MYO1B: variants seen among roughly 807,000 people sequenced by gnomAD.
The protein encoded by MYO1B is unconventional myosin-Ib.
In MYO1B, 72 loss-of-function variants were observed where a neutral mutation model predicts 159.7. The ratio of observed to expected loss-of-function variants is 0.45; its 90% CI spans 0.37 to 0.55. The LOEUF (loss-of-function observed/expected upper bound fraction) is 0.55, where lower values mean the gene tolerates loss of function less well. Ranked by LOEUF, MYO1B falls within the 20% of genes least tolerant of loss-of-function variation. The pLI is 0.00. For synonymous variants in MYO1B, 468 were observed against 473.8 expected (o/e 0.99, Z 0.16); for missense variants, 1,062 against 1,364.8 (o/e 0.78, Z 3.50).
chr2:191,372,619 C>T (rs919674873), intron 13 of MYO1B, among the ~76,000 whole-genome samples: 8 of 152,120 alleles, frequency 5.3e-5, no homozygotes, highest in Admixed American at 2.0e-4. Context: ...AACTATATTA[C>T]GTTTTAAAAG....
At chr2:191,400,887 G>A (rs1574616685) in intron 23 of MYO1B, 52 bp downstream of exon 23, 1 of 1,547,262 alleles carries the variant, frequency 6.5e-7, no homozygotes, top group Non-Finnish European at 8.9e-7. Flanking sequence ...GCAATAATCA[G>A]TCCTTACCTC....
At chr2:191,252,581 A>G (rs1052204495) in intron 1 of MYO1B, among the ~76,000 whole-genome samples, 2 of 152,206 alleles carry the variant, frequency 1.3e-5, no homozygotes, top group African/African-American at 2.4e-5. Flanking sequence ...AATTTTTGGA[A>G]TGGCAGAATG....
intron 1 of MYO1B, among the ~76,000 whole-genome samples, chr2:191,256,576 A>G (rs560443631): frequency 1.3e-5 from 2 of 152,324 alleles, no homozygotes; most frequent in African/African-American, 4.8e-5. Flanking sequence ...GGGGAGAAAG[A>G]TGGCAAAAAA....
intron 24 of MYO1B, 104 bp from the exon 25 acceptor site, chr2:191,408,011 T>A: frequency 1.5e-6 from 1 of 686,558 alleles, no homozygotes; most frequent in Non-Finnish European, 2.5e-6. Context: ...AGGACACTTA[T>A]AAACTGACTT....
rs371293487 is a variant in MYO1B at position 191,363,836 on chromosome 2, G to A, written c.874G>A (p.Val292Met). The change falls in exon 10 of 31, where the codon GTG becomes ATG. Residue 292 changes from valine to methionine, a missense_variant. Val to Met is a conservative substitution (Grantham distance 21). Transcript: ENST00000392318. ...GNIEFKPESR[V>M]NGLDESKIKD... ...CATTGAGTTCAAGCCCGAATCTCGA[G>A]TGAATGGTCTAGATGAAAGCAAAAT... 1 of 1,613,846 alleles carries A rather than the reference G, an allele frequency of 6.2e-7. No individual in the cohort carries two copies. Among genetic ancestry groups the A allele is most frequent in the African/African-American group, 1.3e-5 (1 of 74,878 alleles).
chr2:191,401,864 G>C (rs936992700), intron 23 of MYO1B: 3 of 152,184 alleles, frequency 2.0e-5, no homozygotes, highest in African/African-American at 7.2e-5. Context: ...TCCATCCAGT[G>C]AGTTCATTTC....
At chr2:191,369,423 C>A in intron 11 of MYO1B, 119 bp from the exon 12 acceptor site, 1 of 739,824 alleles carries the variant, frequency 1.4e-6, no homozygotes, top group Non-Finnish European at 2.2e-6. Context: ...AAAACTGGTT[C>A]TGCAAAGATG....
chr2:191,342,281 CA>C (rs1692272279), intron 5 of MYO1B, among the ~76,000 whole-genome samples: 1 of 152,144 alleles, frequency 6.6e-6, no homozygotes, highest in African/African-American at 2.4e-5. Flanking sequence ...ATAAGACCAC[CA>C]GTTCCATCTT....
chr2:191,261,077 C>A (rs56964870), intron 1 of MYO1B, among the ~76,000 whole-genome samples: 2 of 152,118 alleles, frequency 1.3e-5, no homozygotes, highest in African/African-American at 2.4e-5. Flanking sequence ...GTGGATCAGC[C>A]GATGCCATAG....
chr2:191,278,562 G>A lies in MYO1B; in HGVS notation c.135+1532G>A, dbSNP rs563346809. Among the ~76,000 whole-genome samples, 4 of 152,316 alleles carry A rather than the reference G, an allele frequency of 2.6e-5. No individual in the cohort carries two copies. The South Asian group carries it at 8.3e-4, about 32-fold the overall frequency. Reference sequence around the variant, plus strand: ...TGGGGGAAGGTTGATGGTAACAAGAGGCCTGTGAATACTGCTTTTGGAGTC... The same window carrying A: ...TGGGGGAAGGTTGATGGTAACAAGAAGCCTGTGAATACTGCTTTTGGAGTC... On this transcript the variant is annotated intron_variant, in intron 2 of 30. Transcript: ENST00000392318.
At chr2:191,353,119 C>T (rs1385287045) in intron 7 of MYO1B, among the ~76,000 whole-genome samples, 7 of 152,126 alleles carry the variant, frequency 4.6e-5, no homozygotes, top group Non-Finnish European at 8.8e-5. Context: ...TTGAAAACTA[C>T]ATATCCCTGA....
intron 7 of MYO1B, among the ~76,000 whole-genome samples, chr2:191,354,713 C>G (rs995512977): frequency 6.6e-6 from 1 of 152,124 alleles, no homozygotes; most frequent in Non-Finnish European, 1.5e-5. Context: ...AAGTAACATC[C>G]TGGCAACCAG....
chr2:191,423,737 A>G lies in MYO1B; in HGVS notation c.3288-100A>G, dbSNP rs947505551. On this transcript the variant is annotated intron_variant, in intron 30 of 30. Transcript: ENST00000392318. ...ATTAGGTTAGGGATGCGCAGCCTGT[A>G]CTCGTCAAGATCAGTATCCATTAAA... The G allele has an allele frequency of 2.2e-5, 29 of 1,320,556 alleles. 1 individual carries two copies. The Admixed American group carries it at 2.9e-4, about 13-fold the overall frequency. 81.8% of individuals were successfully genotyped at this position (1,320,556 alleles called of 1,614,324 possible).
intron 4 of MYO1B, among the ~76,000 whole-genome samples, chr2:191,340,277 C>T (rs1164490507): frequency 1.3e-5 from 2 of 151,718 alleles, no homozygotes; most frequent in Non-Finnish European, 2.9e-5. Flanking sequence ...GCAGTGCACG[C>T]GATCATATTA....
intron 30 of MYO1B, among the ~76,000 whole-genome samples, chr2:191,418,330 CCACATGCAGTT>C (rs60016046): frequency 0.81 from 122,887 of 151,982 alleles, 53,852 homozygotes; most frequent in Non-Finnish European, 0.98. Flanking sequence ...GTGTTGAAAA[CCACATGCAGTT>C]TAGTGACTAA....
At chr2:191,360,595 A>C in intron 7 of MYO1B, 36 bp from the exon 8 acceptor site, 1 of 1,354,552 alleles carries the variant, frequency 7.4e-7, no homozygotes, top group Non-Finnish European at 1.0e-6. Context: ...TGGAAGTGAA[A>C]CAAATGCCAT....
At position 191,381,488 on chromosome 2, in the gene MYO1B, T is replaced by C. The variant is rs1212437959; in HGVS notation, c.1212T>C (p.Ile404=). 1 of 1,613,736 alleles carries C rather than the reference T, an allele frequency of 6.2e-7. No individual in the cohort carries two copies. The highest frequency in any genetic ancestry group is 8.5e-7 in the Non-Finnish European group (1 of 1,179,734). The change falls in exon 14 of 31, where the codon ATT becomes ATC. Residue 404 remains isoleucine, a synonymous_variant. Transcript: ENST00000392318. ...FEDNSFEQFI[I]NYCNEKLQQI... is the part of the protein sequence containing the mutation. The stretch of plus-strand genomic sequence containing the variant: ...ACAACAGCTTTGAGCAGTTCATTAT[T>C]AATTATTGTAACGAAAAGCTGCAAC...
intron 4 of MYO1B, among the ~76,000 whole-genome samples, chr2:191,338,058 A>AT (rs1351551742): frequency 6.6e-6 from 1 of 152,160 alleles, no homozygotes; most frequent in Non-Finnish European, 1.5e-5. Flanking sequence ...GGACCTTGTA[A>AT]TTCATCCTTA....
intron 26 of MYO1B, among the ~76,000 whole-genome samples, chr2:191,410,097 C>T (rs1697168772): frequency 2.0e-5 from 3 of 152,252 alleles, no homozygotes; most frequent in African/African-American, 2.4e-5. Context: ...GCAAATTTGG[C>T]GAGGTTCATG....
Sources: gnomAD v4.1 joint callset for allele counts (sites outside exome capture counted in the v4.1 genomes callset) on GRCh38, gnomAD v4.1.1 for gene constraint, MANE v1.5 for transcripts, NCBI Gene and HGNC (gene_info 2026-07-23, HGNC 2026-07-21) for gene names.